BCL7C: variants seen among roughly 807,000 people sequenced by gnomAD.
BCL7C encodes the protein BAF chromatin remodeling complex subunit BCL7C.
In BCL7C, 8 loss-of-function variants were observed where a neutral mutation model predicts 26.2. The observed-to-expected ratio is 0.30, with a 90% CI of 0.18 to 0.55. BCL7C has a LOEUF of 0.55. Among genes scored for constraint, BCL7C ranks in the 20% least tolerant of loss-of-function variants. BCL7C has a pLI of 0.93. For synonymous variants in BCL7C, 90 were observed against 116.5 expected (o/e 0.77, Z 1.47); for missense variants, 262 against 298.5 (o/e 0.88, Z 0.90).
At chr16:30,837,359 A>C (rs1219842552) in intron 5 of BCL7C, among the ~76,000 whole-genome samples, 2 of 151,870 alleles carry the variant, frequency 1.3e-5, no homozygotes, top group Non-Finnish European at 2.9e-5. Context: ...CAAAGGTGAT[A>C]ATAATTTTTT....
At chr16:30,859,603 T>C (rs546187247) in intron 5 of BCL7C, among the ~76,000 whole-genome samples, 4 of 151,492 alleles carry the variant, frequency 2.6e-5, no homozygotes, top group South Asian at 2.1e-4. Context: ...CCTGCCCCAC[T>C]CTAACTGATA....
chr16:30,843,529 C>T (rs986397567), intron 5 of BCL7C, among the ~76,000 whole-genome samples: 2 of 150,876 alleles, frequency 1.3e-5, no homozygotes, highest in African/African-American at 4.9e-5. Context: ...CCACTGCACT[C>T]CAGTCTCGGT....
intron 5 of BCL7C, among the ~76,000 whole-genome samples, chr16:30,856,422 C>T (rs994412809): frequency 1.5e-5 from 2 of 130,028 alleles, no homozygotes; most frequent in Admixed American, 9.1e-5. Flanking sequence ...GTCTGGGCGA[C>T]ACAGTGAGAC....
intron 5 of BCL7C, among the ~76,000 whole-genome samples, chr16:30,839,973 T>G (rs968583001): frequency 6.6e-6 from 1 of 152,160 alleles, no homozygotes; most frequent in Admixed American, 6.5e-5. Flanking sequence ...CTGTCTTGCA[T>G]TATGCTGGTG....
chr16:30,870,628 T>G (rs1014710201), intron 5 of BCL7C, among the ~76,000 whole-genome samples: 8 of 152,134 alleles, frequency 5.3e-5, no homozygotes, highest in Admixed American at 2.6e-4. Flanking sequence ...TGAGCTGTAC[T>G]CCAGCCTGAG....
At chr16:30,839,285 C>T (rs2054587924) in intron 5 of BCL7C, among the ~76,000 whole-genome samples, 1 of 152,148 alleles carries the variant, frequency 6.6e-6, no homozygotes, top group South Asian at 2.1e-4. Flanking sequence ...TAGATTAGGA[C>T]CTAACAAACC....
chr16:30,865,721 T>C (rs904358255), intron 5 of BCL7C, among the ~76,000 whole-genome samples: 24 of 114,794 alleles, frequency 2.1e-4, no homozygotes, highest in Non-Finnish European at 3.2e-4. Context: ...ATATGGCTTT[T>C]TTTTTCTTTT....
chr16:30,867,564 A>T (rs2054839771), intron 5 of BCL7C, among the ~76,000 whole-genome samples: 1 of 152,084 alleles, frequency 6.6e-6, no homozygotes, highest in Non-Finnish European at 1.5e-5. Context: ...AGGCCGAGGC[A>T]GGCAGATCAC....
intron 5 of BCL7C, among the ~76,000 whole-genome samples, chr16:30,864,296 A>G (rs2054804679): frequency 6.6e-6 from 1 of 151,970 alleles, no homozygotes; most frequent in Non-Finnish European, 1.5e-5. Flanking sequence ...CCCCTTGGAC[A>G]CTCTCTAATT....
chr16:30,855,707 T>A (rs561261461), intron 5 of BCL7C, among the ~76,000 whole-genome samples: 4 of 152,220 alleles, frequency 2.6e-5, no homozygotes, highest in African/African-American at 9.6e-5. Flanking sequence ...AGAGGATCGC[T>A]TGAGCCCAGA....
chr16:30,860,885 C>A (rs1205147820), intron 5 of BCL7C, among the ~76,000 whole-genome samples: 3 of 152,090 alleles, frequency 2.0e-5, no homozygotes, highest in African/African-American at 7.2e-5. Context: ...AGCCAAGTCC[C>A]AATTCTCCCT....
intron 5 of BCL7C, chr16:30,876,161 T>C (rs117957142): frequency 0.023 from 3,565 of 152,414 alleles, 51 homozygotes; most frequent in Non-Finnish European, 0.034. Flanking sequence ...CCGGAGGGGT[T>C]CTGGGGTCAC....
Position 30,834,808 on chromosome 16 carries a change from G to T in BCL7C, c.*140C>A. The T allele has an allele frequency of 1.2e-6, 1 of 820,808 alleles. No individual in the cohort carries two copies. Among genetic ancestry groups the T allele is most frequent in the Non-Finnish European group, 1.8e-6 (1 of 543,658 alleles). The allele number at this position is 820,808 out of a possible 1,614,324, so 50.8% of individuals were successfully genotyped here. Reference sequence around the variant, plus strand: ...GGTGCTGTGGCCTTAGGTTCGGGCAGGTGTGGGGCCGCTCGCCCTCCGATG... The same window carrying T: ...GGTGCTGTGGCCTTAGGTTCGGGCATGTGTGGGGCCGCTCGCCCTCCGATG... On this transcript the variant is annotated 3_prime_UTR_variant, in exon 6 of 6. Transcript: ENST00000380317. This position sits in a 1 kb window ranked among gnomAD's most constrained non-coding sequence, Gnocchi z 4.3.
intron 5 of BCL7C, among the ~76,000 whole-genome samples, chr16:30,837,279 G>T (rs2054575926): frequency 1.3e-5 from 2 of 152,020 alleles, no homozygotes; most frequent in Non-Finnish European, 2.9e-5. Flanking sequence ...AATCAGGATG[G>T]GTCTATAGCA....
intron 5 of BCL7C, among the ~76,000 whole-genome samples, chr16:30,849,023 T>TA (rs988705859): frequency 1.3e-5 from 2 of 151,678 alleles, no homozygotes; most frequent in African/African-American, 4.8e-5. Flanking sequence ...CTGTCTCTAC[T>TA]AAAAATACAA....
intron 5 of BCL7C, among the ~76,000 whole-genome samples, chr16:30,873,483 AACTGTAC>A (rs2054898977): frequency 6.6e-6 from 1 of 152,170 alleles, no homozygotes; most frequent in Admixed American, 6.6e-5. Context: ...AGAATCATTG[AACTGTAC>A]ACTTTAAATG....
intron 5 of BCL7C, among the ~76,000 whole-genome samples, chr16:30,864,888 G>A (rs1006214718): frequency 5.8e-5 from 7 of 120,898 alleles, no homozygotes; most frequent in East Asian, 5.0e-4. Flanking sequence ...ATTCTCCCCT[G>A]CCCTTAAGAA....
intron 5 of BCL7C, among the ~76,000 whole-genome samples, chr16:30,836,610 G>T (rs1057169360): frequency 6.6e-5 from 10 of 151,816 alleles, no homozygotes; most frequent in Non-Finnish European, 1.0e-4. Flanking sequence ...AAGTAGCTGG[G>T]ACTTACAGGT....
rs147076375 is a variant in BCL7C, at chr16:30,846,977, C to T, written c.529-11829G>A. On this transcript the variant is annotated intron_variant, in intron 5 of 5. Transcript: ENST00000380317. The stretch of plus-strand genomic sequence containing the variant: ...AGCAGTAATGACCAAGGAGCAAGGA[C>T]TGTGGTGTGCGATGGATTCTTTTCA... Among the ~76,000 whole-genome samples the T allele has an allele frequency of 3.6e-4, 55 of 152,310 alleles. No individual in the cohort carries two copies. The East Asian group carries it at 9.4e-3, about 26-fold the overall frequency.
Sources: gnomAD v4.1 joint callset for allele counts (sites outside exome capture counted in the v4.1 genomes callset) on GRCh38, gnomAD v4.1.1 for gene constraint, Gnocchi (gnomAD v3.1) non-coding constraint, MANE v1.5 for transcripts, NCBI Gene and HGNC (gene_info 2026-07-23, HGNC 2026-07-21) for gene names.